Variants in METTL22 observed in about 807,000 individuals in gnomAD.
METTL22 encodes the protein methyltransferase-like protein 22.
METTL22 carries 51 observed loss-of-function variants against 48.4 expected under a neutral mutation model. The ratio of observed to expected loss-of-function variants is 1.05; its 90% CI spans 0.84 to 1.33. METTL22 has a LOEUF of 1.33. Ranked by LOEUF, METTL22 falls within the 40% of genes most tolerant of loss-of-function variation. The pLI is 0.00. For missense variants in METTL22, 678 were observed against 526.9 expected (o/e 1.29, Z -2.81); for synonymous variants, 255 against 214.1 (o/e 1.19, Z -1.67).
chr16:8,633,781 G>C (rs1488480252), intron 3 of METTL22, among the ~76,000 whole-genome samples: 2 of 152,256 alleles, frequency 1.3e-5, no homozygotes, highest in Non-Finnish European at 2.9e-5. Context: ...ATTTAGCCCA[G>C]TGCCTCATGC....
downstream of METTL22, among the ~76,000 whole-genome samples, chr16:8,652,674 ATT>A (rs199925586): frequency 6.8e-5 from 9 of 132,560 alleles, no homozygotes; most frequent in Non-Finnish European, 1.5e-4. Flanking sequence ...ACAAATAATT[ATT>A]TTAAAAAAAA....
downstream of METTL22, among the ~76,000 whole-genome samples, chr16:8,649,939 G>A (rs950012832): frequency 6.6e-6 from 1 of 152,222 alleles, no homozygotes. Flanking sequence ...GCCTGATGCT[G>A]CAGTTTAACA....
downstream of METTL22, among the ~76,000 whole-genome samples, chr16:8,651,876 CGAG>C (rs1567255121): frequency 2.0e-5 from 3 of 151,846 alleles, no homozygotes; most frequent in African/African-American, 7.3e-5. Context: ...GGATGGGGGA[CGAG>C]GAGGGAGAGC....
intron 3 of METTL22, among the ~76,000 whole-genome samples, chr16:8,633,477 G>T (rs2056327761): frequency 6.6e-6 from 1 of 152,196 alleles, no homozygotes; most frequent in African/African-American, 2.4e-5. Flanking sequence ...ATGGAGGCAT[G>T]CACCTGTAGC....
rs1010483257 is a variant in METTL22 at position 8,634,408 on chromosome 16, G to T, written c.515-631G>T. On this transcript the variant is annotated intron_variant, in intron 3 of 10. Transcript: ENST00000381920. ...GCTTTGCTTCATTCCTTTTCTCCTTGATCTTATATTTCCATTGTGTTCCCC... is the reference window on the plus strand; with the variant it reads ...GCTTTGCTTCATTCCTTTTCTCCTTTATCTTATATTTCCATTGTGTTCCCC... Among the ~76,000 whole-genome samples, 20 of 152,060 alleles carry T rather than the reference G, an allele frequency of 1.3e-4. 1 individual carries two copies. Among genetic ancestry groups the T allele is most frequent in the Admixed American group, 1.1e-3 (17 of 15,256 alleles).
rs1288730344 is a variant in METTL22, at chr16:8,641,295, A to G, written c.826+111A>G. On this transcript the variant is annotated intron_variant, in intron 7 of 10. Coordinates refer to ENST00000381920, the MANE Select transcript of METTL22 (RefSeq NM_024109.4). Reference sequence around the variant, plus strand: ...GAGCTGTAGTCCCAGCTGCTGCCACAGTCCCATCGGCGCATGGCAGCTTCT... The same window carrying G: ...GAGCTGTAGTCCCAGCTGCTGCCACGGTCCCATCGGCGCATGGCAGCTTCT... The G allele has an allele frequency of 1.3e-5, 14 of 1,072,290 alleles. No individual in the cohort carries two copies. In the East Asian group the frequency reaches 2.4e-4, roughly 19 times the overall value. 66.4% of individuals were successfully genotyped at this position (1,072,290 alleles called of 1,614,324 possible). A position where few individuals can be genotyped will look rare whatever the true frequency, so the allele number is the denominator to read the frequency against.
chr16:8,642,275 C>A, intron 8 of METTL22, 68 bp downstream of exon 8: 1 of 1,434,606 alleles, frequency 7.0e-7, no homozygotes, highest in Non-Finnish European at 9.8e-7. Flanking sequence ...AGTCTCTCCT[C>A]ACTTCCCCCG....
At chr16:8,659,167 C>G in the METTL22 span, among the ~76,000 whole-genome samples, 1 of 152,068 alleles carries the variant, frequency 6.6e-6, no homozygotes, top group African/African-American at 2.4e-5. Flanking sequence ...CCCATCTGTA[C>G]TAAAAATACA....
chr16:8,641,319 C>G, intron 7 of METTL22, 135 bp downstream of exon 7: 1 of 845,114 alleles, frequency 1.2e-6, no homozygotes, highest in Non-Finnish European at 2.0e-6. Context: ...ATGGCAGCTT[C>G]TCTCCATTGG....
rs115874112 is a variant in METTL22 at position 8,640,353 on chromosome 16, C to T, written c.773-778C>T. On this transcript the variant is annotated intron_variant, in intron 6 of 10. Coordinates refer to ENST00000381920, the MANE Select transcript of METTL22 (RefSeq NM_024109.4). ...GCATCACCCAGCCACACAGTCTTGC[C>T]GTTGTTGGTTAACCTGCCAGTCTCT... 3.1e-3 allele frequency among the ~76,000 whole-genome samples: 474 copies of T among 152,086 alleles called. 1 individual carries two copies. Among genetic ancestry groups the T allele is most frequent in the African/African-American group, 0.011 (449 of 41,506 alleles).
chr16:8,640,453 C>G (rs1359150399), intron 6 of METTL22, among the ~76,000 whole-genome samples: 2 of 150,948 alleles, frequency 1.3e-5, no homozygotes, highest in Non-Finnish European at 2.9e-5. Context: ...GGCACCGTCC[C>G]TGACACGTAG....
Position 8,622,698 on chromosome 16 carries a change from C to T in METTL22, c.-171+923C>T, listed in dbSNP as rs186774043. Among the ~76,000 whole-genome samples the T allele has an allele frequency of 8.2e-4, 125 of 152,192 alleles. 3 individuals are homozygous for T. The East Asian group carries it at 0.021, about 26-fold the overall frequency. ...TTGAACGTTTACTATATGTCGTAAG[C>T]CCGAAAAGTGGTAATTGTCTCATAT... is the stretch of plus-strand genomic sequence containing the variant. On this transcript the variant is annotated intron_variant, in intron 1 of 10. Coordinates refer to ENST00000381920, the MANE Select transcript of METTL22 (RefSeq NM_024109.4).
At chr16:8,660,811 G>GCTGTGCT in the METTL22 span, among the ~76,000 whole-genome samples, 1 of 18,634 alleles carries the variant, frequency 5.4e-5, no homozygotes, top group Non-Finnish European at 9.4e-5. Context: ...AGGAGGAGGA[G>GCTGTGCT]GAGGAGGAGG....
intron 9 of METTL22, among the ~76,000 whole-genome samples, chr16:8,643,865 C>T (rs1029488609): frequency 1.3e-5 from 2 of 152,310 alleles, no homozygotes; most frequent in East Asian, 1.9e-4. Context: ...CTGCCCTCCT[C>T]GGCCTCCCAC....
At chr16:8,653,945 A>T (rs899457889), downstream of METTL22, among the ~76,000 whole-genome samples, 16 of 152,112 alleles carry the variant, frequency 1.1e-4, no homozygotes, top group African/African-American at 3.9e-4. Context: ...ACCAAGCTCA[A>T]TGTGGGAAGC....
rs1413108033 is a variant in METTL22, at chr16:8,647,114, C to T, written c.*971C>T. On this transcript the variant is annotated 3_prime_UTR_variant, in exon 11 of 11. Transcript: ENST00000381920. Reference sequence around the variant, plus strand: ...TGCAGCTCAGGTTTCCTGGCTTCTCCATGCACTGTCCCTGCCCACACTCGC... The same window carrying T: ...TGCAGCTCAGGTTTCCTGGCTTCTCTATGCACTGTCCCTGCCCACACTCGC... 1 of 227,746 alleles carries T rather than the reference C, an allele frequency of 4.4e-6. No individual in the cohort carries two copies. Among genetic ancestry groups the T allele is most frequent in the Non-Finnish European group, 8.9e-6 (1 of 112,844 alleles). The allele number at this position is 227,746 out of a possible 1,614,324, so 14.1% of individuals were successfully genotyped here.
the METTL22 span, among the ~76,000 whole-genome samples, chr16:8,664,634 G>C: frequency 1.3e-5 from 2 of 151,996 alleles, no homozygotes; most frequent in South Asian, 4.2e-4. Context: ...TTTATTTTTT[G>C]TATTTTTGTA....
chr16:8,653,500 G>T (rs571706678), downstream of METTL22, among the ~76,000 whole-genome samples: 1 of 152,152 alleles, frequency 6.6e-6, no homozygotes, highest in Non-Finnish European at 1.5e-5. Flanking sequence ...AATGGAAAGG[G>T]TATAAAACAT....
Position 8,629,087 on chromosome 16 carries a change from G to C in METTL22, c.491G>C (p.Ser164Thr). ...DDVLGEEAQG[S>T]PHDIIRIEHT... ...GTCCTGGGAGAGGAAGCACAAGGCAGCCCGCACGATATCATCAGAATAGGT... is the reference window on the plus strand; with the variant it reads ...GTCCTGGGAGAGGAAGCACAAGGCACCCCGCACGATATCATCAGAATAGGT... The change falls in exon 3 of 11, where the codon AGC becomes ACC. Residue 164 changes from serine (S) to threonine (T), a missense_variant. Ser to Thr is a moderately conservative substitution (Grantham distance 58). Transcript: ENST00000381920. 6.2e-7 allele frequency: 1 copy of C among 1,613,474 alleles called. No homozygotes were observed. The highest frequency in any genetic ancestry group is 1.1e-5 in the South Asian group (1 of 91,086).
Sources: allele counts gnomAD v4.1 joint callset (sites outside exome capture counted in the v4.1 genomes callset), GRCh38; gene constraint gnomAD v4.1.1; transcripts MANE v1.5; gene names NCBI Gene and HGNC (gene_info 2026-07-23, HGNC 2026-07-21).